IFT81: variants seen among roughly 807,000 people sequenced by gnomAD.
The protein encoded by IFT81 is intraflagellar transport 81, also known as intraflagellar transport protein 81 homolog.
A neutral mutation model predicts 102.6 loss-of-function variants in IFT81; 72 were observed. The observed-to-expected ratio is 0.70, with a 90% CI of 0.58 to 0.85. The LOEUF is 0.85. Among genes scored for constraint, IFT81 ranks in the 40% least tolerant of loss-of-function variants. The pLI is 0.00. For missense variants in IFT81, 723 were observed against 787.3 expected (o/e 0.92, Z 0.98); for synonymous variants, 237 against 242.7 (o/e 0.98, Z 0.22).
At chr12:110,137,062 A>C (rs1894555115) in intron 8 of IFT81, among the ~76,000 whole-genome samples, 2 of 152,308 alleles carry the variant, frequency 1.3e-5, no homozygotes, top group East Asian at 3.9e-4. Context: ...ATTCCTAACC[A>C]GATGGCCGGG....
intron 10 of IFT81, among the ~76,000 whole-genome samples, chr12:110,157,908 A>G (rs899407873): frequency 6.6e-6 from 1 of 151,716 alleles, no homozygotes. Flanking sequence ...TGGCATTTCT[A>G]TTTTGTTAAT....
chr12:110,218,459 G>A lies in IFT81; in HGVS notation c.*233G>A, dbSNP rs1017098858. 45 of 334,032 alleles carry A rather than the reference G, an allele frequency of 1.3e-4. No homozygotes were observed. Among genetic ancestry groups the A allele is most frequent in the African/African-American group, 9.1e-4 (43 of 47,132 alleles). 20.7% of individuals were successfully genotyped at this position (334,032 alleles called of 1,614,324 possible). A position where few individuals can be genotyped will look rare whatever the true frequency, so the allele number is the denominator to read the frequency against. On this transcript the variant is annotated 3_prime_UTR_variant, in exon 19 of 19. Coordinates refer to ENST00000242591, the MANE Select transcript of IFT81 (RefSeq NM_014055.4). ...TTTAGACATCACTGGCGTCTTCTGAGTTTTATGAGACAGGAAACTAAGTTT... is the reference window on the plus strand; with the variant it reads ...TTTAGACATCACTGGCGTCTTCTGAATTTTATGAGACAGGAAACTAAGTTT...
intron 11 of IFT81, among the ~76,000 whole-genome samples, chr12:110,179,773 T>TATATATACACACACACAC (rs774113734): frequency 2.0e-5 from 1 of 50,482 alleles, no homozygotes; most frequent in Admixed American, 3.5e-4. Flanking sequence ...TATATATATA[T>TATATATACACACACACAC]ACACACACAC....
At chr12:110,128,908 G>T in intron 3 of IFT81, 42 bp from the exon 4 acceptor site, 1 of 1,491,114 alleles carries the variant, frequency 6.7e-7, no homozygotes, top group Non-Finnish European at 9.2e-7. Flanking sequence ...AAAGTTTACC[G>T]TTAAGTGCGT....
At chr12:110,175,732 C>G (rs1191711458) in intron 11 of IFT81, among the ~76,000 whole-genome samples, 1 of 152,176 alleles carries the variant, frequency 6.6e-6, no homozygotes, top group Non-Finnish European at 1.5e-5. Flanking sequence ...ACTTCCTCCA[C>G]ATCATCACCA....
At chr12:110,217,079 C>T (rs1870232645) in intron 18 of IFT81, among the ~76,000 whole-genome samples, 1 of 152,118 alleles carries the variant, frequency 6.6e-6, no homozygotes, top group Non-Finnish European at 1.5e-5. Flanking sequence ...GAAAGGCAAG[C>T]AGTTTGACTT....
At chr12:110,173,023 G>A (rs1247417529) in intron 11 of IFT81, among the ~76,000 whole-genome samples, 20 of 147,682 alleles carry the variant, frequency 1.4e-4, no homozygotes, top group African/African-American at 4.5e-4. Flanking sequence ...CAGCCGCCCC[G>A]TCCAGGAGGT....
intron 11 of IFT81, among the ~76,000 whole-genome samples, chr12:110,163,469 G>A (rs916984145): frequency 2.0e-5 from 3 of 152,156 alleles, no homozygotes; most frequent in East Asian, 1.9e-4. Context: ...TTGAACTCCC[G>A]ACCTTGGGTG....
intron 12 of IFT81, among the ~76,000 whole-genome samples, chr12:110,188,503 C>A (rs1399880456): frequency 6.6e-6 from 1 of 151,858 alleles, no homozygotes; most frequent in East Asian, 1.9e-4. Context: ...AGGTCCCAGT[C>A]CTATTGACAG....
chr12:110,192,838 A>G, intron 14 of IFT81, 132 bp downstream of exon 14: 2 of 547,904 alleles, frequency 3.7e-6, no homozygotes, highest in Non-Finnish European at 6.6e-6. Context: ...TTATTACGTT[A>G]TTGATACAAT....
chr12:110,167,365 A>G (rs569533045), intron 11 of IFT81, among the ~76,000 whole-genome samples: 2 of 152,256 alleles, frequency 1.3e-5, no homozygotes, highest in African/African-American at 4.8e-5. Context: ...AACAGTTGAA[A>G]TGATCTTCTC....
chr12:110,182,028 G>T (rs924440459), intron 12 of IFT81, among the ~76,000 whole-genome samples: 1 of 152,208 alleles, frequency 6.6e-6, no homozygotes, highest in African/African-American at 2.4e-5. Context: ...GTACCCCATG[G>T]CAGTCAGTCA....
Position 110,134,993 on chromosome 12 carries a change from G to C in IFT81, c.565G>C (p.Val189Leu), listed in dbSNP as rs772029606. The change falls in exon 6 of 19, where the codon GTT (valine) becomes CTT (leucine). Residue 189 changes from valine (V) to leucine (L), a missense_variant. Physicochemically the swap from Val to Leu is conservative, Grantham distance 32. Coordinates refer to ENST00000242591, the MANE Select transcript of IFT81 (RefSeq NM_014055.4). ...AGAAAAGGATCAGCTCATTAAGAGA[G>C]TTGAACATTTGAAGAAAAGGGTAAG... ...EEEKDQLIKR[V>L]EHLKKRVETA... 1.2e-6 allele frequency: 2 copies of C among 1,610,232 alleles called. No individual in the cohort carries two copies. The highest frequency in any genetic ancestry group is 4.5e-5 in the East Asian group (2 of 44,794).
chr12:110,178,048 T>C (rs900046917), intron 11 of IFT81, among the ~76,000 whole-genome samples: 3 of 151,682 alleles, frequency 2.0e-5, no homozygotes, highest in Non-Finnish European at 4.4e-5. Context: ...TGAGCCAAGA[T>C]TGCGCCACTG....
intron 7 of IFT81, among the ~76,000 whole-genome samples, chr12:110,136,506 G>A (rs563055198): frequency 3.3e-5 from 5 of 152,318 alleles, no homozygotes; most frequent in African/African-American, 7.2e-5. Context: ...TCTGGTGTGT[G>A]TGTTTCTTTG....
intron 8 of IFT81, 115 bp from the exon 9 acceptor site, chr12:110,143,266 TA>T: frequency 1.9e-6 from 1 of 532,256 alleles, no homozygotes; most frequent in Non-Finnish European, 2.8e-6. Context: ...TGCTATATAT[TA>T]TACAGTTTGT....
intron 18 of IFT81, among the ~76,000 whole-genome samples, chr12:110,212,308 G>C (rs1419467871): frequency 1.3e-5 from 2 of 151,822 alleles, no homozygotes; most frequent in African/African-American, 4.8e-5. Flanking sequence ...ACTTTGGGAG[G>C]CCAAGGCAGG....
At chr12:110,149,286 G>A (rs1895389942) in intron 10 of IFT81, among the ~76,000 whole-genome samples, 1 of 152,206 alleles carries the variant, frequency 6.6e-6, no homozygotes, top group South Asian at 2.1e-4. Context: ...CATGTGACAG[G>A]GGGAGTGGCT....
intron 18 of IFT81, among the ~76,000 whole-genome samples, chr12:110,211,098 C>T (rs1173408146): frequency 6.6e-5 from 10 of 150,704 alleles, no homozygotes; most frequent in Non-Finnish European, 1.0e-4. Context: ...TGGGCTCAAG[C>T]GATCCTCCCA....
Sources: gnomAD v4.1 joint callset for allele counts (sites outside exome capture counted in the v4.1 genomes callset) on GRCh38, gnomAD v4.1.1 for gene constraint, MANE v1.5 for transcripts, NCBI Gene and HGNC (gene_info 2026-07-23, HGNC 2026-07-21) for gene names.